The following ZNF678 variants were observed in gnomAD, a reference collection of about 807,000 sequenced individuals.
The protein encoded by ZNF678 is hypothetical protein MGC42493.
ZNF678 carries 5 observed loss-of-function variants against 3.0 expected under a neutral mutation model. That is an observed-to-expected ratio of 1.69 (90% CI 0.88 to 3.56). The LOEUF is 3.56. Among genes scored for constraint, ZNF678 ranks in the 30% most tolerant of loss-of-function variants. The pLI is 0.00. For missense variants in ZNF678, 593 were observed against 605.0 expected (o/e 0.98, Z 0.21); for synonymous variants, 218 against 199.6 (o/e 1.09, Z -0.78).
rs1407133717 is a variant in ZNF678, at chr1:227,660,662, A to G, written c.*4834A>G. ...ACTATGATATCTGCAAACAGGGACA[A>G]TTATTTTCTTTCTTTCCAATTTGGT... On this transcript the variant is annotated 3_prime_UTR_variant, in exon 4 of 4. Transcript: ENST00000343776. 1 of 152,158 alleles carries G rather than the reference A, an allele frequency of 6.6e-6. No individual in the cohort carries two copies. Among genetic ancestry groups the G allele is most frequent in the Non-Finnish European group, 1.5e-5 (1 of 68,012 alleles). 9.4% of individuals were successfully genotyped at this position (152,158 alleles called of 1,614,324 possible).
chr1:227,621,186 C>G (rs1271571118), intron 1 of ZNF678, among the ~76,000 whole-genome samples: 2 of 152,172 alleles, frequency 1.3e-5, no homozygotes, highest in Non-Finnish European at 2.9e-5. Context: ...ATCGAGGTTG[C>G]AGTCAGCTGT....
chr1:227,661,766 ATGG>A lies in ZNF678; in HGVS notation c.*5941_*5943del, dbSNP rs1659412274. The A allele has an allele frequency of 6.6e-6, 1 of 152,196 alleles. No homozygotes were observed. The highest frequency in any genetic ancestry group is 1.5e-5 in the Non-Finnish European group (1 of 68,070). The allele number at this position is 152,196 out of a possible 1,614,324, so 9.4% of individuals were successfully genotyped here. A position where few individuals can be genotyped will look rare whatever the true frequency, so the allele number is the denominator to read the frequency against. ...CTTCTGAACAGCTACTCCAGAAACT[ATGG>A]TGCTGTGGTGAAGTCCTGGTTAGGA... On this transcript the variant is annotated 3_prime_UTR_variant, in exon 4 of 4. Coordinates refer to ENST00000343776, the MANE Select transcript of ZNF678 (RefSeq NM_001367909.1).
rs112899175 is a variant in ZNF678, at chr1:227,597,886, G to A, written c.-164+34162G>A. ...TATGTCCACAATACAGGATGTGTGA[G>A]GATCAAAGGCACACTATTCTGCTAG... On this transcript the variant is annotated intron_variant, in intron 1 of 3. Transcript: ENST00000343776. Among the ~76,000 whole-genome samples, 742 of 152,274 alleles carry A rather than the reference G, an allele frequency of 4.9e-3. 4 individuals carry two copies. The highest frequency in any genetic ancestry group is 0.015 in the African/African-American group (630 of 41,540).
rs2102809601 is a variant in ZNF678 at position 227,656,964 on chromosome 1, A to G, written c.*1136A>G. On this transcript the variant is annotated 3_prime_UTR_variant, in exon 4 of 4. Transcript: ENST00000343776. Reference sequence around the variant, plus strand: ...TAACAGTGAAAGGACACCTCTAGTAATCTCTTTTCCCAGTGGCTTTTAATT... The same window carrying G: ...TAACAGTGAAAGGACACCTCTAGTAGTCTCTTTTCCCAGTGGCTTTTAATT... 1 of 152,076 alleles carries G rather than the reference A, an allele frequency of 6.6e-6. No homozygotes were observed. The highest frequency in any genetic ancestry group is 1.5e-5 in the Non-Finnish European group (1 of 67,892). The allele number at this position is 152,076 out of a possible 1,614,324, so 9.4% of individuals were successfully genotyped here.
At chr1:227,563,776 C>A in intron 1 of ZNF678, 52 bp downstream of exon 1, 1 of 1,302,456 alleles carries the variant, frequency 7.7e-7, no homozygotes, top group Non-Finnish European at 1.0e-6. Flanking sequence ...CTCCCGGCGT[C>A]AGCACTAGAG....
chr1:227,634,131 G>A (rs977560889), intron 1 of ZNF678, among the ~76,000 whole-genome samples: 1 of 152,164 alleles, frequency 6.6e-6, no homozygotes, highest in Non-Finnish European at 1.5e-5. Flanking sequence ...TGGGCCAGAG[G>A]GAAACCCACT....
chr1:227,646,443 C>CT, intron 1 of ZNF678, 101 bp from the exon 2 acceptor site: 4 of 1,175,358 alleles, frequency 3.4e-6, no homozygotes, highest in Non-Finnish European at 4.6e-6. Context: ...TGGACAGTTT[C>CT]TGCCAGAACA....
At chr1:227,670,725 C>T (rs1659586478) in intron 5 of ZNF678, among the ~76,000 whole-genome samples, 1 of 152,210 alleles carries the variant, frequency 6.6e-6, no homozygotes, top group Non-Finnish European at 1.5e-5. Flanking sequence ...CACCCCTCAC[C>T]TAGAACTTTT....
intron 1 of ZNF678, 49 bp from the exon 2 acceptor site, chr1:227,646,495 C>T: frequency 7.4e-7 from 1 of 1,347,230 alleles, no homozygotes; most frequent in Non-Finnish European, 9.9e-7. Context: ...ATTAAGAACT[C>T]TGCCCATGGC....
At chr1:227,653,978 C>G (rs1189236817) in intron 3 of ZNF678, among the ~76,000 whole-genome samples, 2 of 151,818 alleles carry the variant, frequency 1.3e-5, no homozygotes, top group Non-Finnish European at 2.9e-5. Context: ...TTTTTTTGTT[C>G]TTTGCTTTGA....
In ZNF678 at chr1:227,654,659, T is replaced by C. The variant is rs762445453; in HGVS notation, c.409T>C (p.Cys137Arg). The C allele has an allele frequency of 8.7e-6, 14 of 1,613,186 alleles. No individual in the cohort carries two copies. Among genetic ancestry groups the C allele is most frequent in the Non-Finnish European group, 1.2e-5 (14 of 1,179,488 alleles). The stretch of plus-strand genomic sequence containing the variant: ...AGAATGTGGCAAAGTTTTCAATCGA[T>C]GTTCAAACCTAACAAAACATAAAAG... ...CEECGKVFNR[C>R]SNLTKHKRIH... Residue 137 changes from cysteine to arginine, a missense_variant, in exon 4 of 4, where the codon TGT becomes CGT. Cys to Arg is a radical substitution (Grantham distance 180). Coordinates refer to ENST00000343776, the MANE Select transcript of ZNF678 (RefSeq NM_001367909.1).
chr1:227,581,149 T>G (rs1244837270), intron 1 of ZNF678, among the ~76,000 whole-genome samples: 2 of 151,964 alleles, frequency 1.3e-5, no homozygotes, highest in Admixed American at 6.6e-5. Flanking sequence ...AAAATCCTTA[T>G]ATTTATTTAT....
intron 1 of ZNF678, among the ~76,000 whole-genome samples, chr1:227,618,362 G>T (rs1658192005): frequency 6.6e-6 from 1 of 152,242 alleles, no homozygotes; most frequent in Non-Finnish European, 1.5e-5. Flanking sequence ...GACTGGCATA[G>T]GTTGTTAGGT....
At chr1:227,572,070 C>G (rs12080590) in intron 1 of ZNF678, among the ~76,000 whole-genome samples, 34,156 of 152,170 alleles carry the variant, frequency 0.22, 4,197 homozygotes, top group East Asian at 0.44. Flanking sequence ...AGTGATTATA[C>G]TTTCAAGTGG....
At chr1:227,579,477 G>C (rs980775937) in intron 1 of ZNF678, among the ~76,000 whole-genome samples, 1 of 152,054 alleles carries the variant, frequency 6.6e-6, no homozygotes, top group African/African-American at 2.4e-5. Flanking sequence ...TGCAATGGTG[G>C]TTGGTGGGGG....
chr1:227,675,305 A>G (rs1231289906), intron 5 of ZNF678, among the ~76,000 whole-genome samples: 1 of 152,208 alleles, frequency 6.6e-6, no homozygotes, highest in Non-Finnish European at 1.5e-5. Flanking sequence ...CAGCCCAGAA[A>G]TAAACTATGC....
chr1:227,657,024 T>C lies in ZNF678; in HGVS notation c.*1196T>C, dbSNP rs1341502119. Reference sequence around the variant, plus strand: ...TTGGGGAGGTTTTTTTTATGTGATATGCTTTGGTTTTTTTGTGCCTTACCT... The same window carrying C: ...TTGGGGAGGTTTTTTTTATGTGATACGCTTTGGTTTTTTTGTGCCTTACCT... On this transcript the variant is annotated 3_prime_UTR_variant, in exon 4 of 4. Transcript: ENST00000343776. 1 of 151,878 alleles carries C rather than the reference T, an allele frequency of 6.6e-6. No individual in the cohort carries two copies. The highest frequency in any genetic ancestry group is 2.4e-5 in the African/African-American group (1 of 41,396). The allele number at this position is 151,878 out of a possible 1,614,324, so 9.4% of individuals were successfully genotyped here.
chr1:227,563,614 C>A lies in ZNF678; in HGVS notation c.-274C>A. The A allele has an allele frequency of 8.6e-7, 1 of 1,165,082 alleles. No homozygotes were observed. Among genetic ancestry groups the A allele is most frequent in the Non-Finnish European group, 1.2e-6 (1 of 860,548 alleles). The allele number at this position is 1,165,082 out of a possible 1,614,324, so 72.2% of individuals were successfully genotyped here. A position where few individuals can be genotyped will look rare whatever the true frequency, so the allele number is the denominator to read the frequency against. Reference sequence around the variant, plus strand: ...CGTATTCTCGGCTATTTATCCCCAGCTGCGGGAGGCCCTGGTGACTCTGCT... The same window carrying A: ...CGTATTCTCGGCTATTTATCCCCAGATGCGGGAGGCCCTGGTGACTCTGCT... On this transcript the variant is annotated 5_prime_UTR_variant, in exon 1 of 4. The change creates a new upstream start codon in the 5' untranslated region. Coordinates refer to ENST00000343776, the MANE Select transcript of ZNF678 (RefSeq NM_001367909.1).
At chr1:227,608,754 G>A (rs1558141837) in intron 1 of ZNF678, among the ~76,000 whole-genome samples, 1 of 152,140 alleles carries the variant, frequency 6.6e-6, no homozygotes, top group Non-Finnish European at 1.5e-5. Context: ...AAAATGCCCG[G>A]TAGAGTTGAA....
Sources: gnomAD v4.1 joint callset for allele counts (sites outside exome capture counted in the v4.1 genomes callset) on GRCh38, gnomAD v4.1.1 for gene constraint, MANE v1.5 for transcripts, NCBI Gene and HGNC (gene_info 2026-07-23, HGNC 2026-07-21) for gene names.